Variants in ABLIM2 observed in about 807,000 individuals in gnomAD.
The protein encoded by ABLIM2 is actin-binding LIM protein 2.
In ABLIM2, 53 loss-of-function variants were observed where a neutral mutation model predicts 97.7. The ratio of observed to expected loss-of-function variants is 0.54; its 90% CI spans 0.44 to 0.68. The LOEUF is 0.68. Among genes scored for constraint, ABLIM2 ranks in the 30% least tolerant of loss-of-function variants. The probability of loss-of-function intolerance (pLI) is 0.00; values close to 1 mark genes in which losing one functional copy is unlikely to be tolerated. For missense variants in ABLIM2, 835 were observed against 867.2 expected (o/e 0.96, Z 0.47); for synonymous variants, 361 against 345.8 (o/e 1.04, Z -0.49).
rs1801072719 is a variant in ABLIM2 at position 8,058,863 on chromosome 4, T to C, written c.763+2104A>G. Among the ~76,000 whole-genome samples, 1 of 152,166 alleles carries C rather than the reference T, an allele frequency of 6.6e-6. No individual in the cohort carries two copies. Among genetic ancestry groups the C allele is most frequent in the Admixed American group, 6.5e-5 (1 of 15,284 alleles). On this transcript the variant is annotated intron_variant, in intron 7 of 20. Coordinates refer to ENST00000447017, the MANE Select transcript of ABLIM2 (RefSeq NM_001130083.2). The surrounding 1 kb of genome is among the most constrained non-coding windows in gnomAD (Gnocchi z 4.2). The stretch of plus-strand genomic sequence containing the variant: ...CTCCCTCCACTTCTGATTGAGTTCC[T>C]CATCCCATCTTTGACGACTCAGTCC...
At chr4:7,980,794 C>T (rs1737475561) in intron 20 of ABLIM2, among the ~76,000 whole-genome samples, 1 of 151,686 alleles carries the variant, frequency 6.6e-6, no homozygotes, top group South Asian at 2.1e-4. Flanking sequence ...CCCTTTCTAG[C>T]TCTTTTTCTG....
intron 1 of ABLIM2, among the ~76,000 whole-genome samples, chr4:8,153,008 A>ATT (rs1330362519): frequency 6.6e-6 from 1 of 152,160 alleles, no homozygotes; most frequent in Non-Finnish European, 1.5e-5. Context: ...GAAGGGCCCT[A>ATT]AGTATCTTTG....
chr4:8,102,386 CAT>C (rs1362737784), intron 2 of ABLIM2, among the ~76,000 whole-genome samples: 1 of 152,354 alleles, frequency 6.6e-6, no homozygotes, highest in East Asian at 1.9e-4. Flanking sequence ...CTTTCTAGCA[CAT>C]GATGAAATTT....
At chr4:7,994,504 G>GGAGA (rs1751684969) in intron 16 of ABLIM2, among the ~76,000 whole-genome samples, 1 of 51,534 alleles carries the variant, frequency 1.9e-5, no homozygotes, top group Non-Finnish European at 4.9e-5. Context: ...ATCATTGTTG[G>GGAGA]ACATTTGGGT....
At position 8,115,135 on chromosome 4, in the gene ABLIM2, C is replaced by T. The variant is rs556236212; in HGVS notation, c.11-8498G>A. The stretch of plus-strand genomic sequence containing the variant: ...CGCAGGGCTTGTGTGCAGATGTGTG[C>T]AGATGAAACTGATTATGGGAAAATA... On this transcript the variant is annotated intron_variant, in intron 1 of 20. Transcript: ENST00000447017. Among the ~76,000 whole-genome samples the T allele has an allele frequency of 4.6e-5, 7 of 152,304 alleles. No homozygotes were observed. In the East Asian group the frequency reaches 1.4e-3, roughly 29 times the overall value.
At chr4:8,080,872 C>G (rs1293057121) in intron 4 of ABLIM2, 70 bp from the exon 5 acceptor site, 1 of 1,525,932 alleles carries the variant, frequency 6.6e-7, no homozygotes, top group Non-Finnish European at 8.8e-7. Context: ...CTCCTGCTCT[C>G]CACACTCCGT....
At chr4:8,135,801 C>T (rs548592195) in intron 1 of ABLIM2, among the ~76,000 whole-genome samples, 3 of 152,340 alleles carry the variant, frequency 2.0e-5, no homozygotes, top group Non-Finnish European at 2.9e-5. Context: ...GGGCCTCTCA[C>T]GGCTGACCTG....
At chr4:8,036,747 T>A (rs1031311958) in intron 9 of ABLIM2, among the ~76,000 whole-genome samples, 6 of 152,222 alleles carry the variant, frequency 3.9e-5, no homozygotes, top group African/African-American at 1.4e-4. Flanking sequence ...ATGCCTGTGA[T>A]GTACCTGGCA....
intron 12 of ABLIM2, among the ~76,000 whole-genome samples, chr4:8,025,597 G>C (rs1776805364): frequency 6.6e-6 from 1 of 152,214 alleles, no homozygotes; most frequent in Non-Finnish European, 1.5e-5. Flanking sequence ...TCTTCACCCT[G>C]AAGTGGTAAG....
chr4:8,053,344 G>C (rs1449356935), intron 8 of ABLIM2, among the ~76,000 whole-genome samples: 1 of 152,184 alleles, frequency 6.6e-6, no homozygotes, highest in Non-Finnish European at 1.5e-5. Flanking sequence ...TATGTTGATT[G>C]ATGTCTCATG....
chr4:8,111,965 A>G (rs1168458657), intron 1 of ABLIM2, among the ~76,000 whole-genome samples: 2 of 151,458 alleles, frequency 1.3e-5, no homozygotes, highest in African/African-American at 4.9e-5. Flanking sequence ...GGAACTAACC[A>G]CAATTGCGGC....
chr4:8,045,601 C>T (rs1186695408), intron 8 of ABLIM2, among the ~76,000 whole-genome samples: 4 of 152,114 alleles, frequency 2.6e-5, no homozygotes, highest in Non-Finnish European at 5.9e-5. Flanking sequence ...GAGCCAAGAT[C>T]GCGCCACTGC....
intron 12 of ABLIM2, chr4:8,020,615 A>C: frequency 2.4e-6 from 1 of 422,510 alleles, no homozygotes; most frequent in African/African-American, 2.0e-5. Context: ...GCGCCTCTGC[A>C]TCCTGGCTGG....
intron 6 of ABLIM2, among the ~76,000 whole-genome samples, chr4:8,063,435 G>A (rs926797002): frequency 9.2e-5 from 14 of 152,222 alleles, no homozygotes; most frequent in Admixed American, 5.9e-4. Flanking sequence ...TCCACAGCTC[G>A]GGCCAAGAAG....
intron 3 of ABLIM2, among the ~76,000 whole-genome samples, chr4:8,092,697 C>T (rs1031633948): frequency 3.9e-5 from 6 of 152,146 alleles, no homozygotes. Context: ...TCCCAAACCC[C>T]CTTTGGAAAA....
intron 5 of ABLIM2, among the ~76,000 whole-genome samples, chr4:8,078,479 G>A (rs1039564140): frequency 3.3e-5 from 5 of 152,374 alleles, no homozygotes; most frequent in East Asian, 1.9e-4. Flanking sequence ...GAGAAAAGCC[G>A]TCTGCGGGGT....
At chr4:8,102,511 A>G (rs533224338) in intron 2 of ABLIM2, among the ~76,000 whole-genome samples, 1 of 152,344 alleles carries the variant, frequency 6.6e-6, no homozygotes, top group Admixed American at 6.5e-5. Flanking sequence ...TACCCTGAAC[A>G]GTGCCTGGCA....
At chr4:7,975,468 T>C (rs913400988) in intron 20 of ABLIM2, among the ~76,000 whole-genome samples, 7 of 152,196 alleles carry the variant, frequency 4.6e-5, no homozygotes, top group Admixed American at 6.5e-5. Context: ...ACACCTACTA[T>C]GTGCCGCGTG....
At position 8,125,986 on chromosome 4, in the gene ABLIM2, C is replaced by G. The variant is rs974369068; in HGVS notation, c.11-19349G>C. On this transcript the variant is annotated intron_variant, in intron 1 of 20. Transcript: ENST00000447017. This position sits in a 1 kb window ranked among gnomAD's most constrained non-coding sequence, Gnocchi z 6.2. ...GGAGGGGGAAGCCACACAGCCAACC[C>G]GCTTTTTCTGGGGGCCTCATGGGCA... is the stretch of plus-strand genomic sequence containing the variant. Among the ~76,000 whole-genome samples, 1 of 152,166 alleles carries G rather than the reference C, an allele frequency of 6.6e-6. No homozygotes were observed. The highest frequency in any genetic ancestry group is 6.5e-5 in the Admixed American group (1 of 15,288).
Sources: gnomAD v4.1 joint callset for allele counts (sites outside exome capture counted in the v4.1 genomes callset) on GRCh38, gnomAD v4.1.1 for gene constraint, Gnocchi (gnomAD v3.1) non-coding constraint, MANE v1.5 for transcripts, NCBI Gene and HGNC (gene_info 2026-07-23, HGNC 2026-07-21) for gene names.